Variants in ALKBH4 observed in about 807,000 individuals in gnomAD.
ALKBH4 encodes the protein alkB homolog 4, lysine demethylase.
In ALKBH4, 8 loss-of-function variants were observed where a neutral mutation model predicts 12.1. That is an observed-to-expected ratio of 0.66 (90% CI 0.39 to 1.19). The LOEUF (loss-of-function observed/expected upper bound fraction) is 1.19. Among genes scored for constraint, ALKBH4 ranks in the 50% most tolerant of loss-of-function variants. The pLI is 0.01. For missense variants in ALKBH4, 403 were observed against 430.4 expected (o/e 0.94, Z 0.56); for synonymous variants, 195 against 191.6 (o/e 1.02, Z -0.15).
intron 1 of ALKBH4, among the ~76,000 whole-genome samples, chr7:102,461,449 C>T (rs534954517): frequency 1.5e-3 from 233 of 152,178 alleles, no homozygotes; most frequent in Non-Finnish European, 2.9e-3. Flanking sequence ...CAACCTCTAC[C>T]TCCTGGGTTC....
At chr7:102,461,446 T>C (rs1236739487) in intron 1 of ALKBH4, among the ~76,000 whole-genome samples, 6 of 152,040 alleles carry the variant, frequency 3.9e-5, no homozygotes, top group Non-Finnish European at 8.8e-5. Flanking sequence ...CTGCAACCTC[T>C]ACCTCCTGGG....
At chr7:102,464,257 G>T (rs1178864698) in intron 1 of ALKBH4, among the ~76,000 whole-genome samples, 1 of 152,118 alleles carries the variant, frequency 6.6e-6, no homozygotes, top group Non-Finnish European at 1.5e-5. Flanking sequence ...GAGGTGGCTC[G>T]ATCATAGCTC....
intron 2 of ALKBH4, among the ~76,000 whole-genome samples, chr7:102,458,901 C>A (rs1302607625): frequency 6.6e-6 from 1 of 152,138 alleles, no homozygotes; most frequent in East Asian, 1.9e-4. Flanking sequence ...GTAATCCCAG[C>A]ACTTTGGGAG....
Position 102,456,795 on chromosome 7 carries a change from G to C in ALKBH4, c.*599C>G, listed in dbSNP as rs1797661312. On this transcript the variant is annotated 3_prime_UTR_variant, in exon 3 of 3. Transcript: ENST00000292566. ...GATATCGGGAAACCCCATGAAAATAGATGCATAATAAAGGTGAAAATCATT... is the reference window on the plus strand; with the variant it reads ...GATATCGGGAAACCCCATGAAAATACATGCATAATAAAGGTGAAAATCATT... 6.6e-6 allele frequency: 1 copy of C among 151,900 alleles called. No individual in the cohort carries two copies. Among genetic ancestry groups the C allele is most frequent in the Non-Finnish European group, 1.5e-5 (1 of 68,054 alleles). 9.4% of individuals were successfully genotyped at this position (151,900 alleles called of 1,614,324 possible).
intron 2 of ALKBH4, chr7:102,459,365 G>A (rs1434017398): frequency 2.3e-6 from 1 of 438,482 alleles, no homozygotes; most frequent in Non-Finnish European, 4.0e-6. Flanking sequence ...AGCTACAGAG[G>A]GGCAGAGAGC....
chr7:102,458,047 G>A, intron 2 of ALKBH4, 66 bp from the exon 3 acceptor site: 2 of 1,465,082 alleles, frequency 1.4e-6, no homozygotes, highest in Non-Finnish European at 1.8e-6. Flanking sequence ...CACAGACTAG[G>A]TGGGAAGAAT....
intron 1 of ALKBH4, among the ~76,000 whole-genome samples, chr7:102,462,730 G>T (rs957865783): frequency 2.6e-5 from 4 of 151,926 alleles, no homozygotes; most frequent in African/African-American, 9.7e-5. Context: ...CCACCATTCA[G>T]AACTTTTTCA....
chr7:102,458,406 G>C (rs1201625219), intron 2 of ALKBH4, among the ~76,000 whole-genome samples: 1 of 152,124 alleles, frequency 6.6e-6, no homozygotes, highest in African/African-American at 2.4e-5. Context: ...TCTGTCTCTA[G>C]TAACAAAACA....
intron 1 of ALKBH4, among the ~76,000 whole-genome samples, chr7:102,461,942 C>T (rs1027277161): frequency 8.5e-5 from 13 of 152,304 alleles, no homozygotes; most frequent in African/African-American, 3.1e-4. Flanking sequence ...CACTGTGGGC[C>T]GCTGTCTTTC....
At position 102,461,170 on chromosome 7, in the gene ALKBH4, C is replaced by T. The variant is rs1222531133; in HGVS notation, c.124-1369G>A. 2.6e-5 allele frequency among the ~76,000 whole-genome samples: 4 copies of T among 152,032 alleles called. No homozygotes were observed. In the East Asian group the frequency reaches 7.8e-4, roughly 30 times the overall value. On this transcript the variant is annotated intron_variant, in intron 1 of 2. Transcript: ENST00000292566. Reference sequence around the variant, plus strand: ...TGGCCAACATGGCAAAACCCCGTCTCTATTAAAAATACAAAAACTAGCCGG... The same window carrying T: ...TGGCCAACATGGCAAAACCCCGTCTTTATTAAAAATACAAAAACTAGCCGG...
intron 1 of ALKBH4, among the ~76,000 whole-genome samples, chr7:102,460,158 A>AG (rs1029707636): frequency 6.6e-6 from 1 of 151,476 alleles, no homozygotes; most frequent in African/African-American, 2.4e-5. Flanking sequence ...AAAAAAAAAA[A>AG]AAAAGTTTAA....
At chr7:102,463,195 C>T (rs981796344) in intron 1 of ALKBH4, among the ~76,000 whole-genome samples, 1 of 152,014 alleles carries the variant, frequency 6.6e-6, no homozygotes, top group Non-Finnish European at 1.5e-5. Context: ...TGGCAATCTG[C>T]CTGCCTCGGT....
In ALKBH4 at chr7:102,457,730, C is replaced by T. The variant is rs138324715; in HGVS notation, c.573G>A (p.Leu191=). The T allele has an allele frequency of 5.0e-4, 784 of 1,570,300 alleles. 8 individuals carry two copies. The Middle Eastern group carries it at 0.011, about 21-fold the overall frequency. ...VSLNLLSPTV[L]SMCREAPGSL... ...TCCCGGGCGCCTCCCGACACATGGA[C>T]AGCACGGTGGGGGACAGGAGGTTGA... is the stretch of plus-strand genomic sequence containing the variant. Residue 191 remains leucine, a synonymous_variant, in exon 3 of 3, where the codon CTG becomes CTA. Transcript: ENST00000292566. This position sits in a 1 kb window ranked among gnomAD's most constrained non-coding sequence, Gnocchi z 5.9.
At chr7:102,460,561 C>A (rs961242240) in intron 1 of ALKBH4, among the ~76,000 whole-genome samples, 1 of 152,158 alleles carries the variant, frequency 6.6e-6, no homozygotes, top group African/African-American at 2.4e-5. Context: ...TCTCACTTTC[C>A]TCCCCTGTAA....
Position 102,464,825 on chromosome 7 carries a change from AGCCGCC to A in ALKBH4, c.6_11del (p.Ala5_Ala6del), listed in dbSNP as rs1463247386. 1 of 1,525,124 alleles carries A rather than the reference AGCCGCC, an allele frequency of 6.6e-7. No homozygotes were observed. The highest frequency in any genetic ancestry group is 8.8e-7 in the Non-Finnish European group (1 of 1,141,484). The allele number at this position is 1,525,124 out of a possible 1,614,324, so 94.5% of individuals were successfully genotyped here. On this transcript the variant is annotated inframe_deletion, in exon 1 of 3. Transcript: ENST00000292566. ...GAAGGACTTCGGGGGTCTCGGCGGC[AGCCGCC>A]GCCATCGCGCCGTCCGCGTGGCCAG...
rs1337966500 is a variant in ALKBH4, at chr7:102,457,092, G to T, written c.*302C>A. ...GATCCGCCCACCTCAGCCTCCCAAA[G>T]TGTTAGGATTACAGGTGTGAGCCAC... On this transcript the variant is annotated 3_prime_UTR_variant, in exon 3 of 3. Transcript: ENST00000292566. The surrounding 1 kb of genome is among the most constrained non-coding windows in gnomAD (Gnocchi z 5.9). 1 of 272,710 alleles carries T rather than the reference G, an allele frequency of 3.7e-6. No homozygotes were observed. The highest frequency in any genetic ancestry group is 2.2e-5 in the African/African-American group (1 of 45,404). The allele number at this position is 272,710 out of a possible 1,614,324, so 16.9% of individuals were successfully genotyped here. A position where few individuals can be genotyped will look rare whatever the true frequency, so the allele number is the denominator to read the frequency against.
chr7:102,463,752 T>C (rs1033430713), intron 1 of ALKBH4, among the ~76,000 whole-genome samples: 4 of 152,248 alleles, frequency 2.6e-5, no homozygotes, highest in African/African-American at 9.6e-5. Flanking sequence ...TTTGGATATA[T>C]ACCCAGAAGC....
intron 1 of ALKBH4, among the ~76,000 whole-genome samples, chr7:102,463,788 A>G (rs1381132011): frequency 6.6e-6 from 1 of 152,160 alleles, no homozygotes; most frequent in Non-Finnish European, 1.5e-5. Context: ...GGGTAATTCT[A>G]TGTTTAATTC....
intron 1 of ALKBH4, among the ~76,000 whole-genome samples, chr7:102,460,603 T>C (rs1797772640): frequency 6.6e-6 from 1 of 152,134 alleles, no homozygotes; most frequent in Non-Finnish European, 1.5e-5. Context: ...TGTTTTTCCT[T>C]CTCCATTTTA....
Sources: allele counts gnomAD v4.1 joint callset (sites outside exome capture counted in the v4.1 genomes callset), GRCh38; gene constraint gnomAD v4.1.1; non-coding constraint Gnocchi (gnomAD v3.1); transcripts MANE v1.5; gene names NCBI Gene and HGNC (gene_info 2026-07-23, HGNC 2026-07-21).